Variants in TTBK1 observed in about 807,000 individuals in gnomAD.
TTBK1 encodes the protein tau tubulin kinase 1, also known as tau-tubulin kinase 1.
In TTBK1, 34 loss-of-function variants were observed where a neutral mutation model predicts 108.5. The observed-to-expected ratio is 0.31, with a 90% CI of 0.24 to 0.42. TTBK1 has a LOEUF of 0.42. TTBK1 is among the 10% of genes least tolerant of loss of function. TTBK1 has a pLI of 1.00. For missense variants in TTBK1, 1,539 were observed against 1,826.0 expected (o/e 0.84, Z 2.86); for synonymous variants, 809 against 795.1 (o/e 1.02, Z -0.29).
At chr6:43,262,387 A>G (rs1777563957) in intron 12 of TTBK1, among the ~76,000 whole-genome samples, 1 of 152,188 alleles carries the variant, frequency 6.6e-6, no homozygotes, top group African/African-American at 2.4e-5. Flanking sequence ...TGGAAGCAGC[A>G]GGAAGCAGCC....
chr6:43,283,937 G>T lies in TTBK1; in HGVS notation c.3197G>T (p.Gly1066Val). Residue 1066 changes from glycine (G) to valine (V), a missense_variant, in exon 14 of 15, where the codon GGC (glycine) becomes GTC (valine). Physicochemically the swap from Gly to Val is moderately radical, Grantham distance 109. This residue lies in a region of TTBK1 where 1,055 missense variants were observed against 1,086.5 expected (regional missense o/e 0.97). Coordinates refer to ENST00000259750, the MANE Select transcript of TTBK1 (RefSeq NM_032538.3). This position sits in a 1 kb window ranked among gnomAD's most constrained non-coding sequence, Gnocchi z 8.1. The part of the protein sequence containing the change: ...IPVLLSEEDT[G>V]SEPSGSLSAK... Reference sequence around the variant, plus strand: ...GTCCTGCTCTCTGAGGAGGACACGGGCTCGGAGCCCTCAGGCTCACTGTCG... The same window carrying T: ...GTCCTGCTCTCTGAGGAGGACACGGTCTCGGAGCCCTCAGGCTCACTGTCG... 6.2e-7 allele frequency: 1 copy of T among 1,612,840 alleles called. No homozygotes were observed. The highest frequency in any genetic ancestry group is 8.5e-7 in the Non-Finnish European group (1 of 1,179,388).
At position 43,243,964 on chromosome 6, in the gene TTBK1, C is replaced by T. The variant is rs1306449035; in HGVS notation, c.-55+256C>T. Among the ~76,000 whole-genome samples the T allele has an allele frequency of 1.3e-5, 2 of 152,122 alleles. No individual in the cohort carries two copies. Among genetic ancestry groups the T allele is most frequent in the East Asian group, 3.9e-4 (2 of 5,184 alleles). ...TGCTCCTCCCCACTCACCTCCGTCC[C>T]CTGTCCCCATGGCTTCACCCCTGGC... On this transcript the variant is annotated intron_variant, in intron 1 of 14. Coordinates refer to ENST00000259750, the MANE Select transcript of TTBK1 (RefSeq NM_032538.3). This position sits in a 1 kb window ranked among gnomAD's most constrained non-coding sequence, Gnocchi z 5.5.
In TTBK1 at chr6:43,282,862, G is replaced by C; in HGVS notation, c.2122G>C (p.Val708Leu). 6.2e-7 allele frequency: 1 copy of C among 1,613,990 alleles called. No individual in the cohort carries two copies. Among genetic ancestry groups the C allele is most frequent in the Non-Finnish European group, 8.5e-7 (1 of 1,179,992 alleles). ...GCGGTTGCTCAACAGGGTCCGGAGG[G>C]TGGGCTTCTCGCACATGCTGCTCAC... Reference protein sequence around the residue: ...RARLLNRVRRVGFSHMLLTTP... With the variant: ...RARLLNRVRRLGFSHMLLTTP... The change falls in exon 14 of 15, where the codon GTG becomes CTG. Residue 708 changes from valine to leucine, a missense_variant. Physicochemically the swap from Val to Leu is conservative, Grantham distance 32 (BLOSUM62 1). This residue lies in a region of TTBK1 where 1,055 missense variants were observed against 1,086.5 expected (regional missense o/e 0.97). Coordinates refer to ENST00000259750, the MANE Select transcript of TTBK1 (RefSeq NM_032538.3). This position sits in a 1 kb window ranked among gnomAD's most constrained non-coding sequence, Gnocchi z 5.4.
rs779526707 is a variant in TTBK1, at chr6:43,283,818, G to A, written c.3078G>A (p.Pro1026=). 96 of 1,612,156 alleles carry A rather than the reference G, an allele frequency of 6.0e-5. No individual in the cohort carries two copies. The highest frequency in any genetic ancestry group is 1.6e-4 in the Middle Eastern group (1 of 6,076). The part of the protein sequence containing the change: ...NGPALADGPA[P]VSPLEPSPEK... Reference sequence around the variant, plus strand: ...CGGCCCTTGCAGACGGGCCAGCCCCGGTGTCCCCGCTGGAGCCAAGCCCTG... The same window carrying A: ...CGGCCCTTGCAGACGGGCCAGCCCCAGTGTCCCCGCTGGAGCCAAGCCCTG... Residue 1026 remains proline, a synonymous_variant, in exon 14 of 15, where the codon CCG becomes CCA. Transcript: ENST00000259750. The surrounding 1 kb of genome is among the most constrained non-coding windows in gnomAD (Gnocchi z 8.1).
At position 43,282,823 on chromosome 6, in the gene TTBK1, T is replaced by C; in HGVS notation, c.2083T>C (p.Tyr695His). 6.2e-7 allele frequency: 1 copy of C among 1,614,006 alleles called. No homozygotes were observed. The highest frequency in any genetic ancestry group is 8.5e-7 in the Non-Finnish European group (1 of 1,180,000). ...YQDFKRDLSD[Y>H]RERARLLNRV... Reference sequence around the variant, plus strand: ...GGACTTCAAAAGAGACCTCTCCGATTACCGAGAACGGGCGCGGTTGCTCAA... The same window carrying C: ...GGACTTCAAAAGAGACCTCTCCGATCACCGAGAACGGGCGCGGTTGCTCAA... Residue 695 changes from tyrosine (Y) to histidine (H), a missense_variant, in exon 14 of 15, where the codon TAC becomes CAC. This residue lies in a region of TTBK1 where 1,055 missense variants were observed against 1,086.5 expected (regional missense o/e 0.97). Transcript: ENST00000259750. This position sits in a 1 kb window ranked among gnomAD's most constrained non-coding sequence, Gnocchi z 5.4.
Position 43,282,865 on chromosome 6 carries a change from G to C in TTBK1, c.2125G>C (p.Gly709Arg). The C allele has an allele frequency of 6.2e-7, 1 of 1,613,978 alleles. No individual in the cohort carries two copies. The highest frequency in any genetic ancestry group is 1.3e-5 in the African/African-American group (1 of 74,976). Residue 709 changes from glycine (G) to arginine (R), a missense_variant, in exon 14 of 15, where the codon GGC becomes CGC. Around this residue, in one of 5 missense-constraint regions of TTBK1, gnomAD observed 1,055 missense variants for 1,086.5 expected, o/e 0.97. Transcript: ENST00000259750. The surrounding 1 kb of genome is among the most constrained non-coding windows in gnomAD (Gnocchi z 5.4). ...GTTGCTCAACAGGGTCCGGAGGGTG[G>C]GCTTCTCGCACATGCTGCTCACCAC... Reference protein sequence around the residue: ...ARLLNRVRRVGFSHMLLTTPQ... With the variant: ...ARLLNRVRRVRFSHMLLTTPQ...
chr6:43,285,613 C>T lies in TTBK1; in HGVS notation c.*237C>T, dbSNP rs905906256. The T allele has an allele frequency of 1.3e-4, 47 of 369,954 alleles. No individual in the cohort carries two copies. The allele number at this position is 369,954 out of a possible 1,614,324, so 22.9% of individuals were successfully genotyped here. A position where few individuals can be genotyped will look rare whatever the true frequency, so the allele number is the denominator to read the frequency against. ...GGGAGGGTCTGCCTCCCCTTCCTCGCCCTGTGTCCTCTCATCCTCCCGCCG... is the reference window on the plus strand; with the variant it reads ...GGGAGGGTCTGCCTCCCCTTCCTCGTCCTGTGTCCTCTCATCCTCCCGCCG... On this transcript the variant is annotated 3_prime_UTR_variant, in exon 15 of 15. Coordinates refer to ENST00000259750, the MANE Select transcript of TTBK1 (RefSeq NM_032538.3). This position sits in a 1 kb window ranked among gnomAD's most constrained non-coding sequence, Gnocchi z 4.7.
intron 13 of TTBK1, among the ~76,000 whole-genome samples, chr6:43,279,823 T>C (rs1778106244): frequency 6.6e-6 from 1 of 151,936 alleles, no homozygotes; most frequent in African/African-American, 2.4e-5. Flanking sequence ...CAGGCTGGAG[T>C]GCAGTGGTGC....
chr6:43,264,627 T>A lies in TTBK1; in HGVS notation c.1986+1277T>A, dbSNP rs529015798. On this transcript the variant is annotated intron_variant, in intron 13 of 14. Transcript: ENST00000259750. Reference sequence around the variant, plus strand: ...GAATGAGAGGAGAAGGAGCTCTGCATGATGAGTGAGAGGGAGAGGTCGGAG... The same window carrying A: ...GAATGAGAGGAGAAGGAGCTCTGCAAGATGAGTGAGAGGGAGAGGTCGGAG... Among the ~76,000 whole-genome samples the A allele has an allele frequency of 1.9e-4, 29 of 152,054 alleles. 1 individual carries two copies. In the South Asian group the frequency reaches 5.8e-3, roughly 31 times the overall value.
At chr6:43,254,943 GC>G in intron 6 of TTBK1, 105 bp from the exon 7 acceptor site, 2 of 1,164,304 alleles carry the variant, frequency 1.7e-6, no homozygotes, top group South Asian at 2.5e-5. Context: ...CACCTCCCCA[GC>G]CAGGGGAGGT....
intron 13 of TTBK1, among the ~76,000 whole-genome samples, chr6:43,264,554 G>A (rs952106907): frequency 1.3e-5 from 2 of 152,170 alleles, no homozygotes; most frequent in Non-Finnish European, 2.9e-5. Flanking sequence ...TGCAGGGTGT[G>A]GAACCCAAAA....
Position 43,253,002 on chromosome 6 carries a change from G to A in TTBK1, c.256+116G>A, listed in dbSNP as rs1011277550. The A allele has an allele frequency of 5.2e-5, 69 of 1,327,976 alleles. No homozygotes were observed. Among genetic ancestry groups the A allele is most frequent in the Non-Finnish European group, 7.0e-5 (67 of 956,602 alleles). 82.3% of individuals were successfully genotyped at this position (1,327,976 alleles called of 1,614,324 possible). On this transcript the variant is annotated intron_variant, in intron 3 of 14. Coordinates refer to ENST00000259750, the MANE Select transcript of TTBK1 (RefSeq NM_032538.3). This position sits in a 1 kb window ranked among gnomAD's most constrained non-coding sequence, Gnocchi z 5.8. ...GAGATGTCGTGTGGTAGAGGGAAAAGGGGATGGAGCCAGGAGCTAAGGGGG... is the reference window on the plus strand; with the variant it reads ...GAGATGTCGTGTGGTAGAGGGAAAAAGGGATGGAGCCAGGAGCTAAGGGGG...
Position 43,285,729 on chromosome 6 carries a change from G to C in TTBK1, c.*353G>C, listed in dbSNP as rs1778362548. 5.6e-6 allele frequency: 1 copy of C among 178,792 alleles called. No individual in the cohort carries two copies. The highest frequency in any genetic ancestry group is 6.3e-5 in the Admixed American group (1 of 15,912). The allele number at this position is 178,792 out of a possible 1,614,324, so 11.1% of individuals were successfully genotyped here. On this transcript the variant is annotated 3_prime_UTR_variant, in exon 15 of 15. Transcript: ENST00000259750. This position sits in a 1 kb window ranked among gnomAD's most constrained non-coding sequence, Gnocchi z 4.7. The stretch of plus-strand genomic sequence containing the variant: ...GAGGACTCCACTTCTGGGGACGCCT[G>C]GTTCGTTCGCCCACCAGGCCTAGGC...
intron 13 of TTBK1, chr6:43,270,974 C>T: frequency 1.0e-6 from 1 of 985,440 alleles, no homozygotes; most frequent in Non-Finnish European, 1.2e-6. Flanking sequence ...AGAAGAGAGG[C>T]AGGTTGGATA....
chr6:43,248,899 CTT>C (rs1424350748), intron 2 of TTBK1, among the ~76,000 whole-genome samples: 1 of 152,118 alleles, frequency 6.6e-6, no homozygotes, highest in African/African-American at 2.4e-5. Context: ...GTAATAATGA[CTT>C]AGTATTTGTT....
chr6:43,284,253 G>A lies in TTBK1; in HGVS notation c.3513G>A (p.Gln1171=). Residue 1171 remains glutamine, a synonymous_variant, in exon 14 of 15, where the codon CAG becomes CAA. Transcript: ENST00000259750. Reference sequence around the variant, plus strand: ...GCATGCCCATGCCTGTTGCAGCCCAGCAGCCCGCCAGCAGATCCCATGGCG... The same window carrying A: ...GCATGCCCATGCCTGTTGCAGCCCAACAGCCCGCCAGCAGATCCCATGGCG... The part of the protein sequence containing the change: ...GLRMPMPVAA[Q]QPASRSHGAA... 1 of 1,594,790 alleles carries A rather than the reference G, an allele frequency of 6.3e-7. No homozygotes were observed. The highest frequency in any genetic ancestry group is 8.5e-7 in the Non-Finnish European group (1 of 1,176,898).
chr6:43,275,953 C>T (rs1411457751), intron 13 of TTBK1, among the ~76,000 whole-genome samples: 2 of 152,104 alleles, frequency 1.3e-5, no homozygotes, highest in Non-Finnish European at 2.9e-5. Context: ...GAGGGGCTGG[C>T]CCCTGCCCCC....
At chr6:43,264,220 A>G (rs910362748) in intron 13 of TTBK1, among the ~76,000 whole-genome samples, 5 of 152,010 alleles carry the variant, frequency 3.3e-5, no homozygotes, top group African/African-American at 9.7e-5. Flanking sequence ...CATCTTTACT[A>G]AAAATACAAA....
At position 43,257,018 on chromosome 6, in the gene TTBK1, C is replaced by A. The variant is rs955163432; in HGVS notation, c.862-794C>A. ...AGTGTTCTGCCTGGGATCCACTACA[C>A]GCCAGGCACGATGCTGCATACTGTA... On this transcript the variant is annotated intron_variant, in intron 9 of 14. Transcript: ENST00000259750. The surrounding 1 kb of genome is among the most constrained non-coding windows in gnomAD (Gnocchi z 4.5). Among the ~76,000 whole-genome samples the A allele has an allele frequency of 6.6e-6, 1 of 152,214 alleles. No homozygotes were observed. The highest frequency in any genetic ancestry group is 2.1e-4 in the South Asian group (1 of 4,828).
Sources: allele counts gnomAD v4.1 joint callset (sites outside exome capture counted in the v4.1 genomes callset), GRCh38; gene constraint gnomAD v4.1.1; regional missense constraint gnomAD v4.1.1; non-coding constraint Gnocchi (gnomAD v3.1); transcripts MANE v1.5; gene names NCBI Gene and HGNC (gene_info 2026-07-23, HGNC 2026-07-21).